Variants in ATRX observed in about 807,000 individuals in gnomAD.
ATRX encodes chromatin remodeler ATRX.
Under a neutral mutation model 172.6 loss-of-function variants are expected in ATRX, and 12 were observed. The ratio of observed to expected loss-of-function variants is 0.07; its 90% CI spans 0.04 to 0.11. The LOEUF (loss-of-function observed/expected upper bound fraction) is 0.11, where lower values mean the gene tolerates loss of function less well. Ranked by LOEUF, ATRX falls within the 10% of genes least tolerant of loss-of-function variation. The pLI is 1.00. For synonymous variants in ATRX, 674 were observed against 594.7 expected (o/e 1.13, Z -1.94); for missense variants, 1,368 against 1,767.4 (o/e 0.77, Z 4.05).
At position 77,695,109 on chromosome X, in the gene ATRX, T is replaced by A. The variant is rs1041526580; in HGVS notation, c.371-1172A>T. Among the ~76,000 whole-genome samples the A allele has an allele frequency of 2.8e-5, 3 of 106,142 alleles. No homozygotes were observed. In the Admixed American group the frequency reaches 3.0e-4, roughly 11 times the overall value. The allele number at this position is 106,142 out of a possible 115,157, so 92.2% of individuals were successfully genotyped here. A position where few individuals can be genotyped will look rare whatever the true frequency, so the allele number is the denominator to read the frequency against. ...CTCCCTAGATTTCTTCTAGGGAGAA[T>A]TGGAAGCAAAGCAGCAGAGTGAAAA... On this transcript the variant is annotated intron_variant, in intron 5 of 34. Coordinates refer to ENST00000373344, the MANE Select transcript of ATRX (RefSeq NM_000489.6).
At chrX:77,612,665 A>G (rs1275908213) in intron 22 of ATRX, among the ~76,000 whole-genome samples, 1 of 111,942 alleles carries the variant, frequency 8.9e-6, no homozygotes, top group Non-Finnish European at 1.9e-5. Context: ...TATAATCACA[A>G]TGTTGTACAA....
intron 20 of ATRX, among the ~76,000 whole-genome samples, chrX:77,619,956 T>A (rs915680793): frequency 8.9e-6 from 1 of 111,940 alleles, no homozygotes. Context: ...CAAACTGTCC[T>A]GCCATGGATT....
intron 30 of ATRX, among the ~76,000 whole-genome samples, chrX:77,525,608 G>A (rs1214761560): frequency 8.9e-6 from 1 of 112,310 alleles, no homozygotes; most frequent in East Asian, 2.8e-4. Context: ...CTCTAAGAAA[G>A]CAAACTGGTT....
intron 13 of ATRX, 22 bp from the exon 14 acceptor site, chrX:77,654,222 A>G: frequency 8.9e-7 from 1 of 1,125,064 alleles, no homozygotes; most frequent in East Asian, 3.0e-5. Context: ...TTAAAACACA[A>G]AATAAAATAT....
At chrX:77,714,095 G>C (rs1244420977) in intron 2 of ATRX, among the ~76,000 whole-genome samples, 1 of 111,584 alleles carries the variant, frequency 9.0e-6, no homozygotes. Flanking sequence ...TGCTGTTGCT[G>C]GATTTGAAGA....
intron 22 of ATRX, among the ~76,000 whole-genome samples, chrX:77,610,842 G>A (rs1557093578): frequency 9.3e-6 from 1 of 107,705 alleles, no homozygotes; most frequent in Non-Finnish European, 1.9e-5. Context: ...TGAGGATTTG[G>A]GTTAATTTTC....
At chrX:77,713,637 G>C (rs912107070) in intron 2 of ATRX, among the ~76,000 whole-genome samples, 1 of 111,711 alleles carries the variant, frequency 9.0e-6, no homozygotes, top group Non-Finnish European at 1.9e-5. Flanking sequence ...GGAAAAAATT[G>C]TAAGTATATA....
intron 14 of ATRX, 104 bp from the exon 15 acceptor site, chrX:77,652,457 C>T (rs2148442270): frequency 1.2e-6 from 1 of 833,592 alleles, no homozygotes; most frequent in Admixed American, 3.2e-5. Context: ...AGAAAACATG[C>T]TGAAAACCTT....
chrX:77,737,316 G>A (rs1271819203), intron 1 of ATRX, among the ~76,000 whole-genome samples: 5 of 105,793 alleles, frequency 4.7e-5, no homozygotes, highest in Admixed American at 1.0e-4. Flanking sequence ...CCAGCTACTC[G>A]GGAGGCTGAG....
intron 28 of ATRX, among the ~76,000 whole-genome samples, chrX:77,563,426 A>G (rs1375973032): frequency 8.9e-6 from 1 of 112,311 alleles, no homozygotes; most frequent in African/African-American, 3.2e-5. Flanking sequence ...AAGGATCACC[A>G]TGCTTTCATA....
intron 1 of ATRX, among the ~76,000 whole-genome samples, chrX:77,785,155 A>G (rs2076689432): frequency 9.0e-6 from 1 of 111,414 alleles, no homozygotes; most frequent in Non-Finnish European, 1.9e-5. Context: ...CCCTTGCAAT[A>G]AATCTTACTT....
intron 1 of ATRX, among the ~76,000 whole-genome samples, chrX:77,733,853 C>T (rs2074412180): frequency 9.3e-6 from 1 of 107,411 alleles, no homozygotes; most frequent in Admixed American, 1.0e-4. Flanking sequence ...CACTGCACTC[C>T]AGCCTGGGCA....
intron 21 of ATRX, among the ~76,000 whole-genome samples, chrX:77,617,149 C>T (rs2067387535): frequency 2.7e-5 from 3 of 111,891 alleles, no homozygotes; most frequent in Non-Finnish European, 5.6e-5. Context: ...TCTGAGTTGG[C>T]TTCTTAGAAA....
Position 77,726,015 on chromosome X carries a change from A to G in ATRX, c.21-8772T>C, listed in dbSNP as rs143317799. ...TGTGGAGAAATAGGAACACTTTTAC[A>G]TTGTTGGTGGGACTGTAAACTAGTT... On this transcript the variant is annotated intron_variant, in intron 1 of 34. Transcript: ENST00000373344. Among the ~76,000 whole-genome samples, 1,020 of 111,951 alleles carry G rather than the reference A, an allele frequency of 9.1e-3. 8 individuals carry two copies. Among genetic ancestry groups the G allele is most frequent in the Middle Eastern group, 0.018 (4 of 218 alleles).
intron 1 of ATRX, among the ~76,000 whole-genome samples, chrX:77,774,832 T>C (rs924010242): frequency 1.1e-4 from 12 of 111,748 alleles, no homozygotes; most frequent in Non-Finnish European, 2.3e-4. Context: ...GACTCTAGCT[T>C]TCTGAGTAGC....
intron 1 of ATRX, among the ~76,000 whole-genome samples, chrX:77,719,839 G>A (rs1474121753): frequency 9.0e-6 from 1 of 111,441 alleles, no homozygotes; most frequent in Non-Finnish European, 1.9e-5. Context: ...AGACCTAACA[G>A]ACATCTACAG....
chrX:77,741,333 C>T (rs1457973589), intron 1 of ATRX, among the ~76,000 whole-genome samples: 1 of 111,129 alleles, frequency 9.0e-6, no homozygotes. Flanking sequence ...AGTAAAAGTT[C>T]TTTACACATT....
chrX:77,692,601 T>G (rs1310208306), intron 6 of ATRX, among the ~76,000 whole-genome samples: 3 of 111,916 alleles, frequency 2.7e-5, no homozygotes, highest in Non-Finnish European at 5.6e-5. Context: ...CACAATTATA[T>G]AATCTGATCA....
intron 19 of ATRX, among the ~76,000 whole-genome samples, chrX:77,632,619 A>C (rs2068162947): frequency 8.9e-6 from 1 of 112,427 alleles, no homozygotes; most frequent in African/African-American, 3.2e-5. Context: ...GACAAGATAA[A>C]CATATGAAGA....
Sources: gnomAD v4.1 joint callset for allele counts (sites outside exome capture counted in the v4.1 genomes callset) on GRCh38, gnomAD v4.1.1 for gene constraint, MANE v1.5 for transcripts, NCBI Gene and HGNC (gene_info 2026-07-23, HGNC 2026-07-21) for gene names.